Variants in RANBP17 observed in about 807,000 individuals in gnomAD.
The protein encoded by RANBP17 is ran-binding protein 17.
Under a neutral mutation model 141.2 loss-of-function variants are expected in RANBP17, and 158 were observed. The observed-to-expected ratio is 1.12, with a 90% CI of 0.98 to 1.28. The LOEUF (loss-of-function observed/expected upper bound fraction) is 1.28. Ranked by LOEUF, RANBP17 falls within the 50% of genes most tolerant of loss-of-function variation. The probability of loss-of-function intolerance (pLI) is 0.00; values close to 1 mark genes in which losing one functional copy is unlikely to be tolerated. For missense variants in RANBP17, 1,438 were observed against 1,290.7 expected, an observed-to-expected ratio of 1.11 and a Z score of -1.75; for synonymous variants, 430 against 450.0, an observed-to-expected ratio of 0.96 and a Z score of 0.56.
intron 25 of RANBP17, among the ~76,000 whole-genome samples, chr5:171,283,912 CTCTT>C (rs1427414218): frequency 6.6e-6 from 1 of 152,196 alleles, no homozygotes; most frequent in Non-Finnish European, 1.5e-5. Flanking sequence ...CTCTCACAGT[CTCTT>C]TCTTCTTGGT....
intron 14 of RANBP17, among the ~76,000 whole-genome samples, chr5:171,086,688 T>C (rs1785688870): frequency 6.6e-6 from 1 of 150,536 alleles, no homozygotes; most frequent in Non-Finnish European, 1.5e-5. Context: ...TGGTTTAGTC[T>C]TGGGAGAGTG....
chr5:170,911,020 A>G lies in RANBP17; in HGVS notation c.646A>G (p.Met216Val), dbSNP rs761221716. ...LQDQCQQNLVMQVLKLVLNCL... is the reference protein window; with the variant it reads ...LQDQCQQNLVVQVLKLVLNCL... ...GGATCAATGTCAGCAAAATCTGGTA[A>G]TGCAGGTCTTGAAACTGGTCCTTAA... The change falls in exon 7 of 28, where the codon ATG becomes GTG. Residue 216 changes from methionine to valine, a missense_variant. Transcript: ENST00000523189. 19 of 1,612,004 alleles carry G rather than the reference A, an allele frequency of 1.2e-5. No homozygotes were observed. Among genetic ancestry groups the G allele is most frequent in the Admixed American group, 1.2e-4 (7 of 59,812 alleles).
intron 24 of RANBP17, 86 bp downstream of exon 24, chr5:171,242,906 C>A: frequency 1.6e-6 from 2 of 1,248,226 alleles, no homozygotes; most frequent in Non-Finnish European, 2.3e-6. Context: ...TATCATCCTA[C>A]AAAGGGGGAA....
At chr5:170,876,763 T>C (rs1768213310) in intron 1 of RANBP17, among the ~76,000 whole-genome samples, 1 of 152,102 alleles carries the variant, frequency 6.6e-6, no homozygotes, top group South Asian at 2.1e-4. Context: ...ATTCCTTTAA[T>C]GAGAAGGTAT....
intron 1 of RANBP17, among the ~76,000 whole-genome samples, chr5:170,867,347 A>T (rs1224905750): frequency 6.6e-6 from 1 of 152,218 alleles, no homozygotes; most frequent in Non-Finnish European, 1.5e-5. Flanking sequence ...GAATAAATAT[A>T]CTGAAAATAC....
chr5:170,899,838 A>G (rs1770473110), intron 5 of RANBP17, among the ~76,000 whole-genome samples: 1 of 152,196 alleles, frequency 6.6e-6, no homozygotes, highest in South Asian at 2.1e-4. Context: ...GCATATGTTG[A>G]ACCAGGTTTG....
At chr5:170,975,649 C>G (rs1426674441) in intron 14 of RANBP17, among the ~76,000 whole-genome samples, 1 of 152,138 alleles carries the variant, frequency 6.6e-6, no homozygotes, top group Non-Finnish European at 1.5e-5. Flanking sequence ...TATAAGGGCA[C>G]CTTTTATAAG....
At chr5:170,902,364 G>T (rs747088365) in intron 5 of RANBP17, among the ~76,000 whole-genome samples, 2 of 152,106 alleles carry the variant, frequency 1.3e-5, no homozygotes, top group Non-Finnish European at 2.9e-5. Context: ...GTGTTTTTCA[G>T]CTCCATCAGG....
intron 14 of RANBP17, among the ~76,000 whole-genome samples, chr5:171,015,804 A>G (rs1342838473): frequency 6.6e-6 from 1 of 152,190 alleles, no homozygotes; most frequent in Non-Finnish European, 1.5e-5. Context: ...ATGCTGAAAC[A>G]AAATCTTTCT....
intron 16 of RANBP17, among the ~76,000 whole-genome samples, chr5:171,179,561 A>C (rs768922558): frequency 6.6e-6 from 1 of 152,140 alleles, no homozygotes; most frequent in East Asian, 1.9e-4. Context: ...GTGTCTATGA[A>C]CATGTATGAC....
intron 14 of RANBP17, among the ~76,000 whole-genome samples, chr5:171,128,453 T>A (rs1432897803): frequency 3.3e-5 from 5 of 151,672 alleles, no homozygotes; most frequent in African/African-American, 1.2e-4. Flanking sequence ...ATGAGAGAGC[T>A]AAAAAAAATG....
intron 11 of RANBP17, among the ~76,000 whole-genome samples, chr5:170,923,217 G>C (rs1465165102): frequency 6.6e-6 from 1 of 151,916 alleles, no homozygotes; most frequent in Admixed American, 6.6e-5. Flanking sequence ...CTTCTTTTTG[G>C]CATATAGATG....
chr5:170,893,247 A>G (rs1769805193), intron 4 of RANBP17, among the ~76,000 whole-genome samples: 2 of 151,850 alleles, frequency 1.3e-5, no homozygotes, highest in African/African-American at 4.8e-5. Context: ...AGCCAAAAAA[A>G]AAAACCAAAC....
intron 1 of RANBP17, among the ~76,000 whole-genome samples, chr5:170,865,456 A>C (rs1213325063): frequency 6.6e-6 from 1 of 151,958 alleles, no homozygotes; most frequent in South Asian, 2.1e-4. Context: ...GGTTGTGTCC[A>C]CTCTGTTGGA....
intron 14 of RANBP17, among the ~76,000 whole-genome samples, chr5:171,078,748 A>C (rs940695053): frequency 3.9e-5 from 6 of 152,220 alleles, no homozygotes; most frequent in African/African-American, 1.4e-4. Flanking sequence ...GAACGTTTTA[A>C]GCCCACTGTT....
chr5:170,885,229 G>C (rs969535341), intron 3 of RANBP17, among the ~76,000 whole-genome samples: 3 of 152,124 alleles, frequency 2.0e-5, no homozygotes, highest in Admixed American at 6.5e-5. Context: ...GTAAAGTACA[G>C]AAGTTTTCTA....
intron 14 of RANBP17, among the ~76,000 whole-genome samples, chr5:171,141,037 T>TA (rs1293501012): frequency 6.6e-6 from 1 of 152,200 alleles, no homozygotes; most frequent in Non-Finnish European, 1.5e-5. Flanking sequence ...GTTCCCATGA[T>TA]AGGCTGTACT....
chr5:170,948,654 G>A (rs550302413), intron 12 of RANBP17, among the ~76,000 whole-genome samples: 2 of 152,212 alleles, frequency 1.3e-5, no homozygotes, highest in East Asian at 3.9e-4. Flanking sequence ...CTCCAAATCC[G>A]GTGCAATCCA....
chr5:171,073,651 C>G (rs139171110), intron 14 of RANBP17, among the ~76,000 whole-genome samples: 1 of 152,038 alleles, frequency 6.6e-6, no homozygotes, highest in South Asian at 2.1e-4. Flanking sequence ...GTGTAAAGGC[C>G]TAGAAGCAGT....
Sources: gnomAD v4.1 joint callset for allele counts (sites outside exome capture counted in the v4.1 genomes callset) on GRCh38, gnomAD v4.1.1 for gene constraint, MANE v1.5 for transcripts, NCBI Gene and HGNC (gene_info 2026-07-23, HGNC 2026-07-21) for gene names.